C7: variants seen among roughly 807,000 people sequenced by gnomAD.
C7 encodes the protein complement component C7.
A neutral mutation model predicts 104.8 loss-of-function variants in C7; 83 were observed. The ratio of observed to expected loss-of-function variants is 0.79; its 90% CI spans 0.66 to 0.95. C7 has a LOEUF of 0.95. Ranked by LOEUF, C7 falls within the 40% of genes least tolerant of loss-of-function variation. The pLI is 0.00. For synonymous variants in C7, 415 were observed against 360.6 expected (o/e 1.15, Z -1.71); for missense variants, 1,070 against 1,011.2 (o/e 1.06, Z -0.79).
intron 1 of C7, among the ~76,000 whole-genome samples, chr5:40,922,193 A>G (rs965325320): frequency 1.4e-5 from 2 of 144,550 alleles, no homozygotes; most frequent in Admixed American, 6.9e-5. Context: ...TGGCCAACAT[A>G]GTGAAAGCCC....
At chr5:40,961,671 C>T (rs983365543) in intron 12 of C7, among the ~76,000 whole-genome samples, 6 of 152,222 alleles carry the variant, frequency 3.9e-5, no homozygotes, top group African/African-American at 1.4e-4. Flanking sequence ...CAGGCGTGAG[C>T]TGTCGCATCT....
intron 10 of C7, among the ~76,000 whole-genome samples, chr5:40,957,628 T>C (rs890823117): frequency 6.6e-6 from 1 of 152,032 alleles, no homozygotes; most frequent in African/African-American, 2.4e-5. Context: ...GCTAATTTTG[T>C]ATTTTTAGTA....
chr5:40,942,620 A>G (rs111710175), intron 6 of C7, among the ~76,000 whole-genome samples: 1,750 of 152,250 alleles, frequency 0.011, 43 homozygotes, highest in African/African-American at 0.04. Flanking sequence ...TGCAGAATTT[A>G]AAAATAGGTA....
Position 40,984,360 on chromosome 5 carries a change from G to A in C7, c.*2787G>A, listed in dbSNP as rs1447289175. Among the ~76,000 whole-genome samples the A allele has an allele frequency of 6.6e-6, 1 of 152,162 alleles. No homozygotes were observed. The highest frequency in any genetic ancestry group is 1.5e-5 in the Non-Finnish European group (1 of 68,032). On this transcript the variant is annotated 3_prime_UTR_variant, in exon 18 of 18. Coordinates refer to ENST00000313164, the MANE Select transcript of C7 (RefSeq NM_000587.4). ...GACCCCCGGAACTTTGGATTACCTA[G>A]CAACTAGCCAGGTAACTGGCTAATC...
intron 16 of C7, 119 bp from the exon 17 acceptor site, chr5:40,979,606 T>C (rs1740895071): frequency 2.9e-6 from 2 of 680,220 alleles, no homozygotes; most frequent in Non-Finnish European, 4.5e-6. Context: ...CTTTTTTTTT[T>C]TTTTACTGTG....
At chr5:40,927,832 C>G (rs1739590061) in intron 1 of C7, among the ~76,000 whole-genome samples, 1 of 152,100 alleles carries the variant, frequency 6.6e-6, no homozygotes, top group African/African-American at 2.4e-5. Context: ...AATCCCTGTA[C>G]ACTTGTACAC....
chr5:40,979,522 A>G (rs1419950455), intron 16 of C7, among the ~76,000 whole-genome samples: 2 of 152,174 alleles, frequency 1.3e-5, no homozygotes, highest in Non-Finnish European at 2.9e-5. Context: ...GCAAATAATG[A>G]GTAAATACAA....
chr5:40,976,939 C>A, intron 16 of C7, 99 bp downstream of exon 16: 1 of 923,414 alleles, frequency 1.1e-6, no homozygotes, highest in Non-Finnish European at 1.6e-6. Context: ...TGTAGCTTAC[C>A]AAGAGTTAAG....
At position 40,944,786 on chromosome 5, in the gene C7, C is replaced by T. The variant is rs542959606; in HGVS notation, c.568-412C>T. Among the ~76,000 whole-genome samples, 5 of 152,276 alleles carry T rather than the reference C, an allele frequency of 3.3e-5. No homozygotes were observed. The South Asian group carries it at 1.0e-3, about 32-fold the overall frequency. ...CACATAGAACATTCCAAAACAAAGT[C>T]CAAAAGAGCTAATTGTTTCATATCA... is the stretch of plus-strand genomic sequence containing the variant. On this transcript the variant is annotated intron_variant, in intron 6 of 17. Coordinates refer to ENST00000313164, the MANE Select transcript of C7 (RefSeq NM_000587.4).
At chr5:40,963,956 C>A (rs147693479) in intron 13 of C7, among the ~76,000 whole-genome samples, 20 of 139,146 alleles carry the variant, frequency 1.4e-4, no homozygotes, top group African/African-American at 4.9e-4. Flanking sequence ...TGGAAAATTT[C>A]TGGGTGTTCA....
rs1324491723 is a variant in C7, at chr5:40,923,482, C to A, written c.7-5098C>A. Among the ~76,000 whole-genome samples the A allele has an allele frequency of 2.0e-5, 3 of 152,038 alleles. No homozygotes were observed. The South Asian group carries it at 6.2e-4, about 32-fold the overall frequency. On this transcript the variant is annotated intron_variant, in intron 1 of 17. Coordinates refer to ENST00000313164, the MANE Select transcript of C7 (RefSeq NM_000587.4). ...GTGAGGGGTCCAGGTGTGGTGGCTCCCGCCTGTAATCCTGACACTTTGGGA... is the reference window on the plus strand; with the variant it reads ...GTGAGGGGTCCAGGTGTGGTGGCTCACGCCTGTAATCCTGACACTTTGGGA...
Position 40,924,620 on chromosome 5 carries a change from G to T in C7, c.7-3960G>T, listed in dbSNP as rs545269006. Among the ~76,000 whole-genome samples the T allele has an allele frequency of 2.0e-5, 3 of 151,852 alleles. No individual in the cohort carries two copies. In the South Asian group the frequency reaches 6.3e-4, roughly 32 times the overall value. On this transcript the variant is annotated intron_variant, in intron 1 of 17. Coordinates refer to ENST00000313164, the MANE Select transcript of C7 (RefSeq NM_000587.4). ...TGTGAGGGCTCCACCCCTACAGCCA[G>T]CTTCTGCCTGGGCAACCAGGCTTTC...
At chr5:40,975,733 C>T (rs1449233574) in intron 15 of C7, among the ~76,000 whole-genome samples, 1 of 152,110 alleles carries the variant, frequency 6.6e-6, no homozygotes, top group Non-Finnish European at 1.5e-5. Context: ...TTCACATTGC[C>T]ATCATTTTTA....
intron 12 of C7, 35 bp downstream of exon 12, chr5:40,959,655 A>G (rs375666789): frequency 4.0e-6 from 6 of 1,487,310 alleles, no homozygotes; most frequent in Non-Finnish European, 4.5e-6. Flanking sequence ...AGTTGCATAG[A>G]ACACAGTACC....
rs369663567 is a variant in C7 at position 40,955,417 on chromosome 5, C to A, written c.1124C>A (p.Pro375Gln). Residue 375 changes from proline (P) to glutamine (Q), a missense_variant, in exon 10 of 18, where the codon CCG (proline) becomes CAG (glutamine). Transcript: ENST00000313164. ...GTQNNVLRGEPFIRGGGAGFI... is the reference protein window; with the variant it reads ...GTQNNVLRGEQFIRGGGAGFI... Reference sequence around the variant, plus strand: ...CAGAACAATGTATTGCGAGGAGAACCGTTCATCAGAGGGGGAGGTGCAGGC... The same window carrying A: ...CAGAACAATGTATTGCGAGGAGAACAGTTCATCAGAGGGGGAGGTGCAGGC... 1 of 1,610,978 alleles carries A rather than the reference C, an allele frequency of 6.2e-7. No individual in the cohort carries two copies.
At position 40,981,439 on chromosome 5, in the gene C7, G is replaced by A; in HGVS notation, c.2398G>A (p.Glu800Lys). The part of the protein sequence containing the change: ...VCREASECEE[E>K]GFSICVEVNG... ...CCGAGAAGCATCGGAGTGCGAGGAA[G>A]AAGGGTTTAGCATTTGTGTGGAAGT... is the stretch of plus-strand genomic sequence containing the variant. Residue 800 changes from glutamate (E) to lysine (K), a missense_variant, in exon 18 of 18, where the codon GAA becomes AAA. Coordinates refer to ENST00000313164, the MANE Select transcript of C7 (RefSeq NM_000587.4). 6.2e-7 allele frequency: 1 copy of A among 1,613,638 alleles called. No individual in the cohort carries two copies. Among genetic ancestry groups the A allele is most frequent in the Non-Finnish European group, 8.5e-7 (1 of 1,179,728 alleles).
chr5:40,909,622 A>T lies in C7; in HGVS notation c.6+6A>T. The T allele has an allele frequency of 1.3e-6, 2 of 1,539,930 alleles. No homozygotes were observed. The highest frequency in any genetic ancestry group is 1.8e-6 in the Non-Finnish European group (2 of 1,129,070). On this transcript the variant is annotated splice_donor_region_variant and intron_variant, in intron 1 of 17. Transcript: ENST00000313164. ...ATGTTTTCCCAAACATGAAGGTAAG[A>T]CAATAAATTCATTACTTTTGTAAAT...
chr5:40,969,010 A>C (rs1386719478), intron 14 of C7, among the ~76,000 whole-genome samples: 1 of 152,126 alleles, frequency 6.6e-6, no homozygotes, highest in Non-Finnish European at 1.5e-5. Flanking sequence ...GCTTACAAAA[A>C]ACTGACTAGA....
rs955913370 is a variant in C7, at chr5:40,984,641, C to T, written c.*3068C>T. On this transcript the variant is annotated 3_prime_UTR_variant, in exon 18 of 18. Coordinates refer to ENST00000313164, the MANE Select transcript of C7 (RefSeq NM_000587.4). ...TGTATTAATCAATATTTTTTGAACC[C>T]GTCCTGTCTCAGTCTGTTTTATGCT... Among the ~76,000 whole-genome samples the T allele has an allele frequency of 1.3e-5, 2 of 152,236 alleles. No homozygotes were observed. The highest frequency in any genetic ancestry group is 2.4e-5 in the African/African-American group (1 of 41,530).
Sources: gnomAD v4.1 joint callset for allele counts (sites outside exome capture counted in the v4.1 genomes callset) on GRCh38, gnomAD v4.1.1 for gene constraint, MANE v1.5 for transcripts, NCBI Gene and HGNC (gene_info 2026-07-23, HGNC 2026-07-21) for gene names.